The following C1QL3 variants were observed in gnomAD, a reference collection of about 807,000 sequenced individuals.
The protein encoded by C1QL3 is complement C1q-like protein 3.
A neutral mutation model predicts 16.6 loss-of-function variants in C1QL3; 4 were observed. The ratio of observed to expected loss-of-function variants is 0.24; its 90% CI spans 0.12 to 0.55. C1QL3 has a LOEUF of 0.55. Ranked by LOEUF, C1QL3 falls within the 20% of genes least tolerant of loss-of-function variation. The pLI is 0.94. For missense variants in C1QL3, 269 were observed against 365.6 expected (o/e 0.74, Z 2.16); for synonymous variants, 189 against 160.2 (o/e 1.18, Z -1.36).
chr10:16,514,540 A>G lies in C1QL3; in HGVS notation c.756T>C (p.Ile252=). The change falls in exon 2 of 2, where the codon ATT becomes ATC. Residue 252 remains isoleucine, a synonymous_variant. Coordinates refer to ENST00000298943, the MANE Select transcript of C1QL3 (RefSeq NM_001010908.2). ...AGTTTCTGCATTATCAGTCAGCATA[A>G]ATAATAAATCCAGAAAACGTGCTGT... ...NKYSTFSGFI[I]YAD is the part of the protein sequence containing the mutation. The G allele has an allele frequency of 6.2e-7, 1 of 1,613,506 alleles. No individual in the cohort carries two copies. The highest frequency in any genetic ancestry group is 8.5e-7 in the Non-Finnish European group (1 of 1,179,582).
At position 16,519,005 on chromosome 10, in the gene C1QL3, C is replaced by G. The variant is rs557912909; in HGVS notation, c.588+1473G>C. On this transcript the variant is annotated intron_variant, in intron 1 of 1. Transcript: ENST00000298943. ...TTTCATGCATAATAACTATAATAAA[C>G]AACCCTGTCAGTGCCTCCTGGTGGC... Among the ~76,000 whole-genome samples, 6 of 152,082 alleles carry G rather than the reference C, an allele frequency of 3.9e-5. No individual in the cohort carries two copies. In the East Asian group the frequency reaches 1.2e-3, roughly 29 times the overall value.
chr10:16,518,279 G>C (rs1235080340), intron 1 of C1QL3, among the ~76,000 whole-genome samples: 1 of 152,156 alleles, frequency 6.6e-6, no homozygotes, highest in African/African-American at 2.4e-5. Flanking sequence ...AACTGTAGTA[G>C]TGTAGTAACC....
Position 16,521,338 on chromosome 10 carries a change from G to A in C1QL3, c.-273C>T. 2.8e-6 allele frequency: 1 copy of A among 357,878 alleles called. No homozygotes were observed. Among genetic ancestry groups the A allele is most frequent in the East Asian group, 4.7e-5 (1 of 21,466 alleles). 22.2% of individuals were successfully genotyped at this position (357,878 alleles called of 1,614,324 possible). A position where few individuals can be genotyped will look rare whatever the true frequency, so the allele number is the denominator to read the frequency against. On this transcript the variant is annotated 5_prime_UTR_variant, in exon 1 of 2. Transcript: ENST00000298943. The stretch of plus-strand genomic sequence containing the variant: ...TGAGCCGAAGTCCCGAGCCCGGGGT[G>A]GGGGCCGGGGGAGGGGTGCGCGGGG...
rs921011568 is a variant in C1QL3, at chr10:16,520,127, G to T, written c.588+351C>A. On this transcript the variant is annotated intron_variant, in intron 1 of 1. Coordinates refer to ENST00000298943, the MANE Select transcript of C1QL3 (RefSeq NM_001010908.2). This position sits in a 1 kb window ranked among gnomAD's most constrained non-coding sequence, Gnocchi z 8.3. ...CCGTAAGCTACCCTCTGTTGCGGAGGATCCCACGGCCAGGGGTCGCTTCCC... is the reference window on the plus strand; with the variant it reads ...CCGTAAGCTACCCTCTGTTGCGGAGTATCCCACGGCCAGGGGTCGCTTCCC... Among the ~76,000 whole-genome samples the T allele has an allele frequency of 1.3e-5, 2 of 152,134 alleles. No individual in the cohort carries two copies. Among genetic ancestry groups the T allele is most frequent in the African/African-American group, 2.4e-5 (1 of 41,444 alleles).
chr10:16,521,071 C>T lies in C1QL3; in HGVS notation c.-6G>A, dbSNP rs1276998613. 2 of 1,592,554 alleles carry T rather than the reference C, an allele frequency of 1.3e-6. No individual in the cohort carries two copies. The highest frequency in any genetic ancestry group is 8.5e-7 in the Non-Finnish European group (1 of 1,175,398). On this transcript the variant is annotated 5_prime_UTR_variant, in exon 1 of 2. It adds an upstream start codon to the 5' untranslated region. Transcript: ENST00000298943. The stretch of plus-strand genomic sequence containing the variant: ...ATCACCAGCAGCAGCACCATCACCA[C>T]CCCCAGCGCCCCGGCGGCGATCAGG...
In C1QL3 at chr10:16,520,596, T is replaced by A; in HGVS notation, c.470A>T (p.Asp157Val). The A allele has an allele frequency of 6.2e-7, 1 of 1,613,376 alleles. No individual in the cohort carries two copies. Among genetic ancestry groups the A allele is most frequent in the Non-Finnish European group, 8.5e-7 (1 of 1,179,712 alleles). The change falls in exon 1 of 2, where the codon GAC (aspartate) becomes GTC (valine). Residue 157 changes from aspartate (D) to valine (V), a missense_variant. Coordinates refer to ENST00000298943, the MANE Select transcript of C1QL3 (RefSeq NM_001010908.2). The surrounding 1 kb of genome is among the most constrained non-coding windows in gnomAD (Gnocchi z 8.3). The part of the protein sequence containing the change: ...DVVTNLGNHY[D>V]PTTGKFTCSI... ...GCAGGTGAACTTGCCGGTGGTGGGG[T>A]CGTAGTGGTTTCCGAGGTTGGTGAC...
At chr10:16,515,279 T>C (rs890594375) in intron 1 of C1QL3, among the ~76,000 whole-genome samples, 4 of 151,930 alleles carry the variant, frequency 2.6e-5, no homozygotes, top group Admixed American at 1.3e-4. Context: ...ATCTAATTCA[T>C]GTAAAGCCCC....
intron 1 of C1QL3, among the ~76,000 whole-genome samples, chr10:16,515,087 A>G (rs1836929030): frequency 6.6e-6 from 1 of 152,156 alleles, no homozygotes; most frequent in Non-Finnish European, 1.5e-5. Flanking sequence ...TAAGCCAGAT[A>G]GCAATATTCT....
chr10:16,514,284 GACACTA>G lies in C1QL3; in HGVS notation c.*238_*243del. ...ATCTATATAGGACTTCATTCACATG[GACACTA>G]ACGATAAGGAGTATTTGCTTTGGCG... On this transcript the variant is annotated 3_prime_UTR_variant, in exon 2 of 2. Coordinates refer to ENST00000298943, the MANE Select transcript of C1QL3 (RefSeq NM_001010908.2). 1.8e-6 allele frequency: 1 copy of G among 553,580 alleles called. No individual in the cohort carries two copies. The highest frequency in any genetic ancestry group is 1.9e-5 in the African/African-American group (1 of 52,902). The allele number at this position is 553,580 out of a possible 1,614,324, so 34.3% of individuals were successfully genotyped here.
At position 16,521,819 on chromosome 10, in the gene C1QL3, G is replaced by A. The variant is rs983805318; in HGVS notation, c.-754C>T. 1 of 152,642 alleles carries A rather than the reference G, an allele frequency of 6.6e-6. No individual in the cohort carries two copies. The highest frequency in any genetic ancestry group is 2.4e-5 in the African/African-American group (1 of 41,426). 9.5% of individuals were successfully genotyped at this position (152,642 alleles called of 1,614,324 possible). On this transcript the variant is annotated 5_prime_UTR_variant, in exon 1 of 2. Coordinates refer to ENST00000298943, the MANE Select transcript of C1QL3 (RefSeq NM_001010908.2). ...GGCGAGCGCCTCACGGCCGGGAGCG[G>A]AGCGAGAGAGAGACTGAAGGCAGAA...
chr10:16,514,596 C>T lies in C1QL3; in HGVS notation c.700G>A (p.Gly234Arg). ...TTGTTGTTTCCTCCATGGGCTTTCCCGCCATCTAATTTGATATAGACTTCA... is the reference window on the plus strand; with the variant it reads ...TTGTTGTTTCCTCCATGGGCTTTCCTGCCATCTAATTTGATATAGACTTCA... ...GDEVYIKLDG[G>R]KAHGGNNNKY... The change falls in exon 2 of 2, where the codon GGG becomes AGG. Residue 234 changes from glycine to arginine, a missense_variant. This residue lies in a region of C1QL3 where 23 missense variants were observed against 68.4 expected (regional missense o/e 0.34). Transcript: ENST00000298943. The T allele has an allele frequency of 6.2e-7, 1 of 1,613,888 alleles. No individual in the cohort carries two copies. The highest frequency in any genetic ancestry group is 8.5e-7 in the Non-Finnish European group (1 of 1,179,768).
At position 16,520,772 on chromosome 10, in the gene C1QL3, G is replaced by T; in HGVS notation, c.294C>A (p.Arg98=). Residue 98 remains arginine (R), a synonymous_variant, in exon 1 of 2, where the codon CGC becomes CGA. Transcript: ENST00000298943. This position sits in a 1 kb window ranked among gnomAD's most constrained non-coding sequence, Gnocchi z 8.3. ...CCCCGGGCGGGCCCGGCAGGCCTTG[G>T]CGGCCCGGCTCGCCCTTCTCGCCCG... The part of the protein sequence containing the change: ...GPPGEKGEPG[R]QGLPGPPGAP... 1.5e-6 allele frequency: 2 copies of T among 1,309,936 alleles called. No homozygotes were observed. The allele number at this position is 1,309,936 out of a possible 1,614,324, so 81.1% of individuals were successfully genotyped here.
rs1484777032 is a variant in C1QL3, at chr10:16,521,683, C to T, written c.-618G>A. The T allele has an allele frequency of 1.3e-5, 2 of 152,676 alleles. No individual in the cohort carries two copies. The highest frequency in any genetic ancestry group is 2.4e-5 in the African/African-American group (1 of 41,424). The allele number at this position is 152,676 out of a possible 1,614,324, so 9.5% of individuals were successfully genotyped here. ...ACCACAACTCGAATAGACGCGCACC[C>T]CAAAGCCCCGCGTGGGCCCGGGCGT... On this transcript the variant is annotated 5_prime_UTR_variant, in exon 1 of 2. Transcript: ENST00000298943.
At chr10:16,519,750 T>C (rs996094956) in intron 1 of C1QL3, among the ~76,000 whole-genome samples, 10 of 152,080 alleles carry the variant, frequency 6.6e-5, no homozygotes, top group African/African-American at 2.2e-4. Context: ...CATAGAGAGT[T>C]TGGGTTCTGA....
intron 1 of C1QL3, among the ~76,000 whole-genome samples, chr10:16,516,764 G>A (rs752807111): frequency 3.3e-5 from 5 of 152,188 alleles, no homozygotes; most frequent in African/African-American, 9.7e-5. Context: ...TTCAGTAGGC[G>A]TAACCACAAA....
chr10:16,520,937 G>A lies in C1QL3; in HGVS notation c.129C>T (p.Thr43=), dbSNP rs759396446. ...DPYGGTKAPS[T]AATPDRGLMQ... ...TGAGGCCGCGGTCGGGCGTGGCAGC[G>A]GTGCTGGGCGCCTTGGTGCCCCCGT... The change falls in exon 1 of 2, where the codon ACC becomes ACT. Residue 43 remains threonine (T), a synonymous_variant. Transcript: ENST00000298943. This position sits in a 1 kb window ranked among gnomAD's most constrained non-coding sequence, Gnocchi z 8.3. The A allele has an allele frequency of 5.1e-6, 8 of 1,569,004 alleles. No homozygotes were observed. The highest frequency in any genetic ancestry group is 4.6e-5 in the South Asian group (4 of 86,834).
In C1QL3 at chr10:16,520,445, T is replaced by TCCCCCCCCACCC; in HGVS notation, c.588+32_588+33insGGGTGGGGGGGG. The TCCCCCCCCACCC allele has an allele frequency of 3.8e-6, 2 of 527,492 alleles. No homozygotes were observed. The highest frequency in any genetic ancestry group is 6.5e-6 in the Non-Finnish European group (2 of 309,180). 32.7% of individuals were successfully genotyped at this position (527,492 alleles called of 1,614,324 possible). A position where few individuals can be genotyped will look rare whatever the true frequency, so the allele number is the denominator to read the frequency against. On this transcript the variant is annotated intron_variant, in intron 1 of 1. Transcript: ENST00000298943. The surrounding 1 kb of genome is among the most constrained non-coding windows in gnomAD (Gnocchi z 8.3). ...CTCGCCCGCACCTTCCCGCGCTCCC[T>TCCCCCCCCACCC]CCCCGCCCTCCCCGCCGCCCGCCCG... is the stretch of plus-strand genomic sequence containing the variant.
rs1460956832 is a variant in C1QL3 at position 16,514,533 on chromosome 10, C to G, written c.763G>C (p.Asp255His). Residue 255 changes from aspartate (D) to histidine (H), a missense_variant, in exon 2 of 2, where the codon GAC becomes CAC. Around this residue, in one of 2 missense-constraint regions of C1QL3, gnomAD observed 23 missense variants for 68.4 expected, o/e 0.34. Coordinates refer to ENST00000298943, the MANE Select transcript of C1QL3 (RefSeq NM_001010908.2). The part of the protein sequence containing the change: ...STFSGFIIYA[D>H] ...TAAGCTTAGTTTCTGCATTATCAGT[C>G]AGCATAAATAATAAATCCAGAAAAC... 6.2e-7 allele frequency: 1 copy of G among 1,612,586 alleles called. No individual in the cohort carries two copies. Among genetic ancestry groups the G allele is most frequent in the African/African-American group, 1.3e-5 (1 of 74,992 alleles).
chr10:16,519,847 G>C (rs774586811), intron 1 of C1QL3, among the ~76,000 whole-genome samples: 7 of 152,096 alleles, frequency 4.6e-5, no homozygotes, highest in South Asian at 2.1e-4. Context: ...TCTCCCCTCC[G>C]CTATTTTTTG....
Sources: allele counts gnomAD v4.1 joint callset (sites outside exome capture counted in the v4.1 genomes callset), GRCh38; gene constraint gnomAD v4.1.1; regional missense constraint gnomAD v4.1.1; non-coding constraint Gnocchi (gnomAD v3.1); transcripts MANE v1.5; gene names NCBI Gene and HGNC (gene_info 2026-07-23, HGNC 2026-07-21).